The following OOSP4B variants were observed in gnomAD, a reference collection of about 807,000 sequenced individuals.
The protein encoded by OOSP4B is oocyte secreted protein family member 4B.
chr11:60,021,926 G>C (rs972087362), intron 1 of OOSP4B: 1 of 148,022 alleles, frequency 6.8e-6, no homozygotes, highest in Non-Finnish European at 1.5e-5. Flanking sequence ...GGAGGTTGCA[G>C]TGAGCCAAGA....
At chr11:60,022,962 A>G (rs76223648) in intron 1 of OOSP4B, among the ~76,000 whole-genome samples, 3,871 of 152,302 alleles carry the variant, frequency 0.025, 116 homozygotes, top group African/African-American at 0.072. Context: ...ATCTATCTCT[A>G]TGGAAGGAAT....
chr11:60,028,339 T>C (rs1244964328), intron 3 of OOSP4B, among the ~76,000 whole-genome samples: 3 of 151,908 alleles, frequency 2.0e-5, no homozygotes, highest in Non-Finnish European at 4.4e-5. Context: ...CTAATTTTTA[T>C]ATTTTTAGTA....
chr11:60,030,116 A>G (rs1285158383), intron 4 of OOSP4B, among the ~76,000 whole-genome samples, 187 bp downstream of exon 4: 1 of 152,174 alleles, frequency 6.6e-6, no homozygotes, highest in African/African-American at 2.4e-5. Flanking sequence ...CTTGTTGCAG[A>G]TGAACATGAA....
chr11:60,024,901 G>T lies in OOSP4B; in HGVS notation c.205-7G>T, dbSNP rs1256968326. The T allele has an allele frequency of 1.3e-5, 5 of 398,116 alleles. No individual in the cohort carries two copies. Among genetic ancestry groups the T allele is most frequent in the East Asian group, 3.6e-5 (1 of 28,002 alleles). 24.7% of individuals were successfully genotyped at this position (398,116 alleles called of 1,614,324 possible). ...CCTTCTAGTATTAAAACTCTCAATT[G>T]TTTCAGATGTTCCAAACAAATGATG... On this transcript the variant is annotated splice_region_variant and splice_polypyrimidine_tract_variant and intron_variant, in intron 2 of 4. Coordinates refer to ENST00000642343, the Ensembl canonical transcript of OOSP4B.
At chr11:60,031,077 T>C (rs1691761176) in exon 5 of OOSP4B, 2 of 357,352 alleles carry the variant, frequency 5.6e-6, no homozygotes, top group South Asian at 1.5e-4. Flanking sequence ...TCATACATAA[T>C]AAAGCTTGCC....
At chr11:60,027,566 G>T (rs1418907919) in intron 3 of OOSP4B, among the ~76,000 whole-genome samples, 1 of 149,944 alleles carries the variant, frequency 6.7e-6, no homozygotes, top group Non-Finnish European at 1.5e-5. Flanking sequence ...TTGACCCAGG[G>T]GTTAGCACCT....
intron 3 of OOSP4B, among the ~76,000 whole-genome samples, chr11:60,028,790 T>C (rs1344980048): frequency 6.6e-6 from 1 of 152,184 alleles, no homozygotes; most frequent in Non-Finnish European, 1.5e-5. Flanking sequence ...AGGGGTCTTT[T>C]GGCCAACACT....
intron 1 of OOSP4B, among the ~76,000 whole-genome samples, chr11:60,019,115 C>A (rs1854657785): frequency 6.6e-6 from 1 of 152,044 alleles, no homozygotes; most frequent in Non-Finnish European, 1.5e-5. Context: ...CCCGACTACT[C>A]AGGAGGCTGA....
chr11:60,022,601 T>C (rs1455523023), intron 1 of OOSP4B, among the ~76,000 whole-genome samples: 1 of 152,230 alleles, frequency 6.6e-6, no homozygotes, highest in Non-Finnish European at 1.5e-5. Flanking sequence ...GACAGAGTTC[T>C]GTAGATCCTT....
At chr11:60,025,878 G>T (rs933446340) in intron 3 of OOSP4B, among the ~76,000 whole-genome samples, 6 of 152,134 alleles carry the variant, frequency 3.9e-5, no homozygotes, top group Non-Finnish European at 8.8e-5. Context: ...GGAGTCCAGT[G>T]GTTTCACCCT....
chr11:60,019,923 C>G (rs1854671540), intron 1 of OOSP4B, among the ~76,000 whole-genome samples: 1 of 152,110 alleles, frequency 6.6e-6, no homozygotes, highest in Non-Finnish European at 1.5e-5. Flanking sequence ...CGTTTACAAT[C>G]CCTGAGCTAG....
intron 3 of OOSP4B, among the ~76,000 whole-genome samples, chr11:60,025,338 G>T (rs901639690): frequency 6.6e-6 from 1 of 152,172 alleles, no homozygotes; most frequent in African/African-American, 2.4e-5. Flanking sequence ...ACTTGAAGAA[G>T]AACTCACATG....
chr11:60,019,734 T>C (rs1488521936), intron 1 of OOSP4B, among the ~76,000 whole-genome samples: 3 of 152,158 alleles, frequency 2.0e-5, no homozygotes, highest in African/African-American at 4.8e-5. Flanking sequence ...TGCAGCAAGA[T>C]TTATTGCAAA....
exon 2 of OOSP4B, chr11:60,024,032 C>T: frequency 2.5e-6 from 1 of 398,550 alleles, no homozygotes; most frequent in East Asian, 3.6e-5. Flanking sequence ...GTTTTCTTAT[C>T]CTGTCACTTC....
At chr11:60,026,633 G>A (rs1211141596) in intron 3 of OOSP4B, among the ~76,000 whole-genome samples, 1 of 152,178 alleles carries the variant, frequency 6.6e-6, no homozygotes, top group Non-Finnish European at 1.5e-5. Flanking sequence ...CACCCTGCAA[G>A]GAATGACTTG....
chr11:60,024,857 C>G, intron 2 of OOSP4B, 51 bp from the exon 3 acceptor site: 1 of 397,702 alleles, frequency 2.5e-6, no homozygotes, highest in Non-Finnish European at 4.4e-6. Context: ...GATCATTAAG[C>G]CACCAAAAGA....
intron 3 of OOSP4B, among the ~76,000 whole-genome samples, chr11:60,028,579 G>T (rs1421784813): frequency 6.6e-6 from 1 of 152,086 alleles, no homozygotes; most frequent in East Asian, 1.9e-4. Context: ...CTTAATACTA[G>T]ATTTTCATAC....
At chr11:60,026,575 A>G (rs954651615) in intron 3 of OOSP4B, among the ~76,000 whole-genome samples, 3 of 152,162 alleles carry the variant, frequency 2.0e-5, no homozygotes, top group Admixed American at 6.5e-5. Flanking sequence ...AATTCTCACT[A>G]TATCCTTATA....
At chr11:60,023,741 G>C in intron 1 of OOSP4B, 139 bp from the exon 2 acceptor site, 1 of 390,690 alleles carries the variant, frequency 2.6e-6, no homozygotes, top group Non-Finnish European at 4.5e-6. Flanking sequence ...GCCTATACCT[G>C]CTTATTTTTG....
Sources: gnomAD v4.1 joint callset for allele counts (sites outside exome capture counted in the v4.1 genomes callset) on GRCh38, gnomAD v4.1.1 for gene constraint, MANE v1.5 for transcripts, NCBI Gene and HGNC (gene_info 2026-07-23, HGNC 2026-07-21) for gene names.